FOXP1: variants seen among roughly 807,000 people sequenced by gnomAD.
FOXP1 encodes the protein forkhead box P1, also known as forkhead box protein P1.
In FOXP1, 15 loss-of-function variants were observed where a neutral mutation model predicts 98.2. The observed-to-expected ratio is 0.15, with a 90% confidence interval of 0.10 to 0.24. FOXP1 has a LOEUF of 0.24. FOXP1 is among the 10% of genes least tolerant of loss of function. FOXP1 has a pLI of 1.00. For synonymous variants in FOXP1, 371 were observed against 314.5 expected (o/e 1.18, Z -1.90); for missense variants, 633 against 848.5 (o/e 0.75, Z 3.15).
chr3:71,302,250 T>C (rs537326206), intron 4 of FOXP1, among the ~76,000 whole-genome samples: 76 of 152,244 alleles, frequency 5.0e-4, no homozygotes, highest in African/African-American at 1.7e-3. Flanking sequence ...ATGAAATGTG[T>C]CAATATAATA....
intron 2 of FOXP1, among the ~76,000 whole-genome samples, chr3:71,509,862 G>C (rs557268271): frequency 1.8e-4 from 27 of 152,264 alleles, no homozygotes; most frequent in Admixed American, 2.0e-4. Flanking sequence ...GGATGGCCAA[G>C]AGAGCAAGAC....
intron 5 of FOXP1, among the ~76,000 whole-genome samples, chr3:71,276,727 C>T (rs2070936499): frequency 6.6e-6 from 1 of 152,146 alleles, no homozygotes; most frequent in African/African-American, 2.4e-5. Context: ...CATCTGTCAT[C>T]TCAAAATGAA....
Position 71,001,072 on chromosome 3 carries a change from A to ATT in FOXP1, c.975-14_975-13insAA. 1 of 1,586,592 alleles carries ATT rather than the reference A, an allele frequency of 6.3e-7. No homozygotes were observed. The highest frequency in any genetic ancestry group is 8.7e-7 in the Non-Finnish European group (1 of 1,155,158). On this transcript the variant is annotated splice_polypyrimidine_tract_variant and intron_variant, in intron 12 of 20. Transcript: ENST00000649528. ...ACTGTTGAGATGTCTGCAACAATAC[A>ATT]TAGAAAATCATTAAGTGAAATGGAG... is the stretch of plus-strand genomic sequence containing the variant.
intron 2 of FOXP1, among the ~76,000 whole-genome samples, chr3:71,516,878 C>G (rs1397288630): frequency 6.6e-6 from 1 of 152,120 alleles, no homozygotes; most frequent in African/African-American, 2.4e-5. Flanking sequence ...ACTCATTCTT[C>G]TGTTCATTCA....
chr3:71,481,563 T>C (rs2090278045), intron 3 of FOXP1, among the ~76,000 whole-genome samples: 1 of 152,208 alleles, frequency 6.6e-6, no homozygotes, highest in Non-Finnish European at 1.5e-5. Context: ...ACAAAGGACA[T>C]TTATGTGAAA....
chr3:71,035,279 C>T (rs557387914), intron 11 of FOXP1, among the ~76,000 whole-genome samples: 3 of 152,274 alleles, frequency 2.0e-5, no homozygotes, highest in Admixed American at 6.5e-5. Flanking sequence ...GAAGAAAGGC[C>T]TAGGAAGCTG....
intron 2 of FOXP1, among the ~76,000 whole-genome samples, chr3:71,505,860 C>T (rs1267642251): frequency 6.6e-6 from 1 of 152,182 alleles, no homozygotes; most frequent in Non-Finnish European, 1.5e-5. Flanking sequence ...TCACTAAAGT[C>T]TAAAGGATGA....
intron 5 of FOXP1, among the ~76,000 whole-genome samples, chr3:71,282,172 T>A (rs2071641193): frequency 6.6e-6 from 1 of 152,072 alleles, no homozygotes; most frequent in African/African-American, 2.4e-5. Flanking sequence ...TACCACACCT[T>A]ACTCTCTGGT....
At chr3:71,449,008 C>T (rs2086699564) in intron 3 of FOXP1, among the ~76,000 whole-genome samples, 2 of 152,186 alleles carry the variant, frequency 1.3e-5, no homozygotes, top group East Asian at 3.8e-4. Context: ...TATGACCAGA[C>T]CTAACCCCAA....
chr3:71,498,350 C>T (rs148907003), intron 2 of FOXP1, among the ~76,000 whole-genome samples: 45 of 152,298 alleles, frequency 3.0e-4, no homozygotes, highest in African/African-American at 1.1e-3. Flanking sequence ...AGCTGTGGTT[C>T]CCTGAGGCCG....
intron 5 of FOXP1, among the ~76,000 whole-genome samples, 181 bp from the exon 6 acceptor site, chr3:71,198,573 G>T (rs1043815707): frequency 6.6e-6 from 1 of 152,168 alleles, no homozygotes; most frequent in Non-Finnish European, 1.5e-5. Context: ...CCCTAGTTTC[G>T]GGTCTGAAAC....
chr3:71,128,961 T>G (rs2059398764), intron 6 of FOXP1, among the ~76,000 whole-genome samples: 1 of 152,156 alleles, frequency 6.6e-6, no homozygotes, highest in Non-Finnish European at 1.5e-5. Flanking sequence ...TTTCTGTATA[T>G]CTGTTAAAGG....
At chr3:71,318,078 C>T (rs184627407) in intron 4 of FOXP1, among the ~76,000 whole-genome samples, 130 of 149,688 alleles carry the variant, frequency 8.7e-4, no homozygotes, top group African/African-American at 3.0e-3. Flanking sequence ...TACACTGGTA[C>T]AATTAAGAAG....
chr3:71,420,719 T>C (rs2108325398), intron 3 of FOXP1, among the ~76,000 whole-genome samples: 1 of 152,076 alleles, frequency 6.6e-6, no homozygotes, highest in South Asian at 2.1e-4. Context: ...TTTTCTTTTT[T>C]TTTTTGAGAC....
At chr3:71,220,177 G>A (rs2065250620) in intron 5 of FOXP1, among the ~76,000 whole-genome samples, 1 of 152,082 alleles carries the variant, frequency 6.6e-6, no homozygotes, top group Non-Finnish European at 1.5e-5. Flanking sequence ...ATCATGTCTT[G>A]CCCCTAACAG....
At chr3:71,030,685 T>C (rs2046748245) in intron 11 of FOXP1, among the ~76,000 whole-genome samples, 1 of 152,194 alleles carries the variant, frequency 6.6e-6, no homozygotes, top group Admixed American at 6.5e-5. Context: ...AGGAACACAT[T>C]TTTTCTTGCA....
At chr3:71,394,656 C>A (rs1270600112) in intron 3 of FOXP1, among the ~76,000 whole-genome samples, 2 of 152,162 alleles carry the variant, frequency 1.3e-5, no homozygotes, top group African/African-American at 4.8e-5. Flanking sequence ...GCTGCCATTT[C>A]ATCATTATAC....
chr3:71,191,303 C>T (rs2062965137), intron 6 of FOXP1, among the ~76,000 whole-genome samples: 1 of 152,154 alleles, frequency 6.6e-6, no homozygotes, highest in Admixed American at 6.5e-5. Flanking sequence ...AAAGTCATAC[C>T]TCCTGAAAGT....
chr3:71,532,569 T>C (rs2043945243), intron 2 of FOXP1, among the ~76,000 whole-genome samples: 1 of 152,116 alleles, frequency 6.6e-6, no homozygotes, highest in South Asian at 2.1e-4. Flanking sequence ...TCAGTGTGAG[T>C]TTCCTTAAGG....
Sources: gnomAD v4.1 joint callset for allele counts (sites outside exome capture counted in the v4.1 genomes callset) on GRCh38, gnomAD v4.1.1 for gene constraint, MANE v1.5 for transcripts, NCBI Gene and HGNC (gene_info 2026-07-23, HGNC 2026-07-21) for gene names.